MYH9: variants seen among roughly 807,000 people sequenced by gnomAD.
MYH9 encodes the protein myosin heavy chain 9.
MYH9 carries 29 observed loss-of-function variants against 241.9 expected under a neutral mutation model. That is an observed-to-expected ratio of 0.12 (90% confidence interval 0.09 to 0.16). The LOEUF (loss-of-function observed/expected upper bound fraction) is 0.16, where lower values mean the gene tolerates loss of function less well. Among genes scored for constraint, MYH9 ranks in the 10% least tolerant of loss-of-function variants. The probability of loss-of-function intolerance (pLI) is 1.00; values close to 1 mark genes in which losing one functional copy is unlikely to be tolerated. For missense variants in MYH9, 1,803 were observed against 2,595.5 expected, an observed-to-expected ratio of 0.69 and a Z score of 6.63; for synonymous variants, 1,047 against 1,062.6, an observed-to-expected ratio of 0.99 and a Z score of 0.29.
Position 36,288,710 on chromosome 22 carries a change from C to T in MYH9, c.4770+17G>A, listed in dbSNP as rs750799474. ...GCAGCCTTGGGCACCCATGGGGTAG[C>T]AGGAGGCCATGCACACCTGTCTGAC... On this transcript the variant is annotated intron_variant, in intron 33 of 40. Coordinates refer to ENST00000216181, the MANE Select transcript of MYH9 (RefSeq NM_002473.6). This position sits in a 1 kb window ranked among gnomAD's most constrained non-coding sequence, Gnocchi z 4.8. The T allele has an allele frequency of 6.2e-7, 1 of 1,600,808 alleles. No homozygotes were observed. Among genetic ancestry groups the T allele is most frequent in the Non-Finnish European group, 8.5e-7 (1 of 1,179,912 alleles).
At chr22:36,291,948 G>C (rs2016711491) in intron 31 of MYH9, 38 bp downstream of exon 31, 1 of 1,613,546 alleles carries the variant, frequency 6.2e-7, no homozygotes, top group African/African-American at 1.3e-5. Context: ...GTGCTTGAAG[G>C]AGAGGAAATG....
intron 38 of MYH9, among the ~76,000 whole-genome samples, chr22:36,284,819 G>A (rs1351524449): frequency 6.6e-6 from 1 of 152,148 alleles, no homozygotes; most frequent in African/African-American, 2.4e-5. Context: ...CAGTCCTGCT[G>A]AGCCCATAGG....
intron 1 of MYH9, among the ~76,000 whole-genome samples, chr22:36,371,540 G>A (rs756386652): frequency 2.6e-5 from 4 of 151,776 alleles, no homozygotes; most frequent in South Asian, 2.1e-4. Context: ...TTTTTTATTC[G>A]TATTTTTATT....
chr22:36,319,800 G>T (rs532818301), intron 9 of MYH9, 165 bp from the exon 10 acceptor site: 3 of 738,566 alleles, frequency 4.1e-6, no homozygotes, highest in Non-Finnish European at 7.0e-6. Flanking sequence ...ACGGTGTGCG[G>T]TGGGCCCAGC....
intron 12 of MYH9, among the ~76,000 whole-genome samples, 157 bp from the exon 13 acceptor site, chr22:36,314,475 T>C (rs2017118079): frequency 6.6e-6 from 1 of 152,164 alleles, no homozygotes; most frequent in Non-Finnish European, 1.5e-5. Flanking sequence ...TGGCCTTCCC[T>C]TTATCCACCC....
intron 31 of MYH9, among the ~76,000 whole-genome samples, chr22:36,291,683 T>TAAAAAAAAAAAAAAAAA (rs66686435): frequency 4.6e-5 from 4 of 86,894 alleles, no homozygotes; most frequent in Non-Finnish European, 9.0e-5. Context: ...ATAAAAAAAT[T>TAAAAAAAAAAAAAAAAA]AAAAAAAAAA....
At chr22:36,335,385 C>T (rs548570688) in intron 3 of MYH9, among the ~76,000 whole-genome samples, 16 of 152,350 alleles carry the variant, frequency 1.1e-4, no homozygotes, top group African/African-American at 3.4e-4. Context: ...CAGCAGACAG[C>T]GGTGCCTTTG....
rs989019990 is a variant in MYH9 at position 36,330,338 on chromosome 22, G to A, written c.491-2850C>T. Among the ~76,000 whole-genome samples, 2 of 152,188 alleles carry A rather than the reference G, an allele frequency of 1.3e-5. No homozygotes were observed. Among genetic ancestry groups the A allele is most frequent in the Non-Finnish European group, 2.9e-5 (2 of 68,042 alleles). ...CACTGCTTAGTATCCTAAATCCACC[G>A]GCCGGATGCACCACGAATCGTACCA... is the stretch of plus-strand genomic sequence containing the variant. On this transcript the variant is annotated intron_variant, in intron 3 of 40. Coordinates refer to ENST00000216181, the MANE Select transcript of MYH9 (RefSeq NM_002473.6). This position sits in a 1 kb window ranked among gnomAD's most constrained non-coding sequence, Gnocchi z 4.5.
intron 1 of MYH9, among the ~76,000 whole-genome samples, chr22:36,384,037 G>A (rs1021949710): frequency 1.3e-5 from 2 of 151,528 alleles, no homozygotes; most frequent in African/African-American, 4.9e-5. Flanking sequence ...CTGGGAGGTC[G>A]AGGCCGGTGG....
intron 7 of MYH9, among the ~76,000 whole-genome samples, chr22:36,321,187 C>G (rs1416054999): frequency 1.3e-5 from 2 of 152,198 alleles, no homozygotes; most frequent in African/African-American, 4.8e-5. Context: ...TCAGGTGATC[C>G]ACCCACCTTA....
intron 13 of MYH9, among the ~76,000 whole-genome samples, chr22:36,313,472 A>AG (rs1556635639): frequency 8.1e-6 from 1 of 123,082 alleles, no homozygotes; most frequent in Non-Finnish European, 1.7e-5. Flanking sequence ...AAAAAAAAAA[A>AG]AAGAAGAAAA....
Position 36,315,318 on chromosome 22 carries a change from A to C in MYH9, c.1381-1000T>G, listed in dbSNP as rs546362481. On this transcript the variant is annotated intron_variant, in intron 12 of 40. Coordinates refer to ENST00000216181, the MANE Select transcript of MYH9 (RefSeq NM_002473.6). ...GATTTCAATGAGAGGTTAGTAAAAA[A>C]TAAAGATGTAATTTTCTCATCCCAG... Among the ~76,000 whole-genome samples the C allele has an allele frequency of 4.6e-5, 7 of 152,328 alleles. No individual in the cohort carries two copies. The South Asian group carries it at 1.4e-3, about 32-fold the overall frequency.
At chr22:36,302,246 A>C (rs970358964) in intron 20 of MYH9, 10 of 302,862 alleles carry the variant, frequency 3.3e-5, no homozygotes, top group Non-Finnish European at 5.8e-5. Context: ...ACCATAAATT[A>C]TGTATTATAC....
At chr22:36,311,492 A>G (rs989033094) in intron 14 of MYH9, among the ~76,000 whole-genome samples, 1 of 152,210 alleles carries the variant, frequency 6.6e-6, no homozygotes, top group Non-Finnish European at 1.5e-5. Context: ...CCTAGCATGC[A>G]CAGGAGGGTC....
chr22:36,303,861 G>A, intron 19 of MYH9, 134 bp downstream of exon 19: 1 of 891,170 alleles, frequency 1.1e-6, no homozygotes, highest in South Asian at 1.5e-5. Flanking sequence ...AGGAACAGGG[G>A]TAGGAAGAGC....
rs2017297481 is a variant in MYH9, at chr22:36,324,052, C to T, written c.613-1531G>A. Among the ~76,000 whole-genome samples the T allele has an allele frequency of 2.0e-5, 3 of 152,370 alleles. No individual in the cohort carries two copies. In the South Asian group the frequency reaches 6.2e-4, roughly 32 times the overall value. Reference sequence around the variant, plus strand: ...CCTCTCAGAGCACAGGCCAGGCTGCCAGGCTGGCTGAACCGCTCCCATTCC... The same window carrying T: ...CCTCTCAGAGCACAGGCCAGGCTGCTAGGCTGGCTGAACCGCTCCCATTCC... On this transcript the variant is annotated intron_variant, in intron 5 of 40. Coordinates refer to ENST00000216181, the MANE Select transcript of MYH9 (RefSeq NM_002473.6).
chr22:36,298,840 G>C lies in MYH9; in HGVS notation c.3100+79C>G, dbSNP rs963876594. 5.6e-6 allele frequency: 9 copies of C among 1,596,408 alleles called. No individual in the cohort carries two copies. The Admixed American group carries it at 8.4e-5, about 15-fold the overall frequency. ...TGAGCTGAGAAGGCCTCGGTGTTCC[G>C]GTCAGACAGGCCGGCCCCTGACCGC... On this transcript the variant is annotated intron_variant, in intron 24 of 40. Coordinates refer to ENST00000216181, the MANE Select transcript of MYH9 (RefSeq NM_002473.6).
chr22:36,332,195 C>T (rs781329600), intron 3 of MYH9, among the ~76,000 whole-genome samples: 2 of 152,230 alleles, frequency 1.3e-5, no homozygotes, highest in Non-Finnish European at 2.9e-5. Context: ...GAAAGGGCCG[C>T]GACACTCTCA....
chr22:36,348,854 A>ACCCCCCCCC, intron 2 of MYH9, 50 bp downstream of exon 2: 5 of 710,356 alleles, frequency 7.0e-6, no homozygotes, highest in South Asian at 2.1e-5. Flanking sequence ...CCCCCCCCCC[A>ACCCCCCCCC]CCTCGGAGCC....
Sources: allele counts gnomAD v4.1 joint callset (sites outside exome capture counted in the v4.1 genomes callset), GRCh38; gene constraint gnomAD v4.1.1; non-coding constraint Gnocchi (gnomAD v3.1); transcripts MANE v1.5; gene names NCBI Gene and HGNC (gene_info 2026-07-23, HGNC 2026-07-21).